Variants in DOK6 observed in about 807,000 individuals in gnomAD.
DOK6 encodes downstream of tyrosine kinase 6.
Under a neutral mutation model 44.0 loss-of-function variants are expected in DOK6, and 22 were observed. The observed-to-expected ratio is 0.50, with a 90% CI of 0.36 to 0.71. DOK6 has a LOEUF of 0.71. Among genes scored for constraint, DOK6 ranks in the 30% least tolerant of loss-of-function variants. The pLI is 0.00. For missense variants in DOK6, 340 were observed against 416.4 expected (o/e 0.82, Z 1.60); for synonymous variants, 166 against 145.5 (o/e 1.14, Z -1.01).
At chr18:69,614,269 C>T (rs1984229446) in intron 3 of DOK6, among the ~76,000 whole-genome samples, 1 of 151,968 alleles carries the variant, frequency 6.6e-6, no homozygotes, top group Admixed American at 6.6e-5. Context: ...TCTTTCCTAC[C>T]ACAAGTCATC....
At chr18:69,795,868 A>C (rs1454943536) in intron 7 of DOK6, among the ~76,000 whole-genome samples, 1 of 152,164 alleles carries the variant, frequency 6.6e-6, no homozygotes, top group Non-Finnish European at 1.5e-5. Context: ...GTGTCTGTTC[A>C]GGTTTATTTT....
intron 1 of DOK6, among the ~76,000 whole-genome samples, chr18:69,529,489 G>T (rs1185906121): frequency 6.6e-6 from 1 of 152,144 alleles, no homozygotes; most frequent in Non-Finnish European, 1.5e-5. Context: ...TTTATTTAGT[G>T]CACTGTGCCA....
intron 1 of DOK6, among the ~76,000 whole-genome samples, chr18:69,409,852 C>A (rs1338681062): frequency 6.6e-6 from 1 of 152,128 alleles, no homozygotes; most frequent in East Asian, 1.9e-4. Context: ...ACATATGTCT[C>A]CTTGCTTTGA....
intron 1 of DOK6, among the ~76,000 whole-genome samples, chr18:69,536,458 A>G (rs1362941114): frequency 6.6e-6 from 1 of 152,188 alleles, no homozygotes; most frequent in Non-Finnish European, 1.5e-5. Context: ...GTTTTTATTA[A>G]GTATATCTTA....
chr18:69,560,890 T>C (rs971014920), intron 1 of DOK6, among the ~76,000 whole-genome samples: 3 of 152,126 alleles, frequency 2.0e-5, no homozygotes, highest in African/African-American at 7.2e-5. Flanking sequence ...ATATTTGTAG[T>C]TTCATAGTCT....
intron 4 of DOK6, among the ~76,000 whole-genome samples, chr18:69,678,461 A>C (rs1985973981): frequency 6.6e-6 from 1 of 152,176 alleles, no homozygotes; most frequent in Non-Finnish European, 1.5e-5. Context: ...TTGGAGACTT[A>C]TTATAGATTT....
chr18:69,762,980 C>A (rs1979610706), intron 7 of DOK6, among the ~76,000 whole-genome samples: 1 of 152,088 alleles, frequency 6.6e-6, no homozygotes, highest in Non-Finnish European at 1.5e-5. Context: ...TTTTCTTTTT[C>A]TTTCTTTTTA....
chr18:69,675,572 G>A lies in DOK6; in HGVS notation c.290-2162G>A, dbSNP rs142516241. 1.5e-3 allele frequency among the ~76,000 whole-genome samples: 232 copies of A among 152,138 alleles called. 2 individuals carry two copies. The highest frequency in any genetic ancestry group is 2.7e-3 in the Non-Finnish European group (182 of 68,018). On this transcript the variant is annotated intron_variant, in intron 3 of 7. Transcript: ENST00000382713. Reference sequence around the variant, plus strand: ...AAAAACATACCTAATGTTAAATGACGAATTAATGGGTGCAGCACACCAATA... The same window carrying A: ...AAAAACATACCTAATGTTAAATGACAAATTAATGGGTGCAGCACACCAATA...
intron 1 of DOK6, among the ~76,000 whole-genome samples, chr18:69,414,506 A>G (rs1222302524): frequency 6.6e-6 from 1 of 152,148 alleles, no homozygotes; most frequent in African/African-American, 2.4e-5. Context: ...TTCTATTAAC[A>G]TTCTTAAAAT....
chr18:69,420,238 T>C (rs1294948560), intron 1 of DOK6, among the ~76,000 whole-genome samples: 2 of 152,056 alleles, frequency 1.3e-5, no homozygotes, highest in East Asian at 3.9e-4. Flanking sequence ...ATGTATTTGT[T>C]ATATTGTGAT....
At chr18:69,615,032 C>T (rs921732972) in intron 3 of DOK6, among the ~76,000 whole-genome samples, 1 of 151,924 alleles carries the variant, frequency 6.6e-6, no homozygotes, top group Non-Finnish European at 1.5e-5. Flanking sequence ...TTTATGGCCA[C>T]AAAGCTGATT....
At chr18:69,559,200 G>C in intron 1 of DOK6, among the ~76,000 whole-genome samples, 1 of 152,020 alleles carries the variant, frequency 6.6e-6, no homozygotes, top group South Asian at 2.1e-4. Context: ...ATGCCTTCTG[G>C]CTCATGTTTA....
chr18:69,831,414 G>C (rs1331659438), intron 7 of DOK6, among the ~76,000 whole-genome samples: 1 of 152,088 alleles, frequency 6.6e-6, no homozygotes, highest in Admixed American at 6.5e-5. Context: ...CCAGCTATCT[G>C]GGCATTCTTT....
chr18:69,638,481 A>C (rs1008006255), intron 3 of DOK6, among the ~76,000 whole-genome samples: 16 of 74,172 alleles, frequency 2.2e-4, no homozygotes, highest in Non-Finnish European at 4.4e-4. Context: ...ATTTGGGTAT[A>C]CTTATTCTTT....
chr18:69,566,468 A>T (rs2144599721), intron 2 of DOK6, among the ~76,000 whole-genome samples: 1 of 152,300 alleles, frequency 6.6e-6, no homozygotes, highest in Middle Eastern at 3.4e-3. Flanking sequence ...GAAACAGGAA[A>T]AATTGTCAAG....
chr18:69,700,104 A>G (rs567817038), intron 5 of DOK6, among the ~76,000 whole-genome samples: 2 of 151,958 alleles, frequency 1.3e-5, no homozygotes, highest in African/African-American at 2.4e-5. Context: ...TGATTCAGTT[A>G]TCTCCCACTG....
intron 7 of DOK6, among the ~76,000 whole-genome samples, chr18:69,812,928 G>C (rs759801274): frequency 6.6e-6 from 1 of 152,124 alleles, no homozygotes; most frequent in Non-Finnish European, 1.5e-5. Context: ...TCTCTCCTAG[G>C]TGGGGATTAT....
chr18:69,766,250 A>G (rs1017349495), intron 7 of DOK6, among the ~76,000 whole-genome samples: 1 of 152,176 alleles, frequency 6.6e-6, no homozygotes, highest in Non-Finnish European at 1.5e-5. Context: ...GTAGACACTG[A>G]AGAAGGAGGA....
chr18:69,582,727 T>G (rs1187661493), intron 2 of DOK6, among the ~76,000 whole-genome samples: 1 of 152,222 alleles, frequency 6.6e-6, no homozygotes, highest in African/African-American at 2.4e-5. Flanking sequence ...AACTTTGTAT[T>G]TTATATAATT....
Sources: allele counts gnomAD v4.1 joint callset (sites outside exome capture counted in the v4.1 genomes callset), GRCh38; gene constraint gnomAD v4.1.1; transcripts MANE v1.5; gene names NCBI Gene and HGNC (gene_info 2026-07-23, HGNC 2026-07-21).